The following MOCOS variants were observed in gnomAD, a reference collection of about 807,000 sequenced individuals.
MOCOS encodes the protein human molybdenum cofactor sulfurase.
In MOCOS, 86 loss-of-function variants were observed where a neutral mutation model predicts 83.6. The ratio of observed to expected loss-of-function variants is 1.03; its 90% CI spans 0.86 to 1.23. The LOEUF (loss-of-function observed/expected upper bound fraction) is 1.23. Ranked by LOEUF, MOCOS falls within the 50% of genes most tolerant of loss-of-function variation. The pLI is 0.00. For missense variants in MOCOS, 1,120 were observed against 1,126.9 expected (o/e 0.99, Z 0.09); for synonymous variants, 445 against 434.7 (o/e 1.02, Z -0.29).
At chr18:36,260,312 A>G in intron 13 of MOCOS, 137 bp downstream of exon 13, 2 of 1,138,184 alleles carry the variant, frequency 1.8e-6, no homozygotes, top group Non-Finnish European at 1.3e-6. Flanking sequence ...GTGGGAGGTT[A>G]TGTAAGCTTA....
At chr18:36,263,174 G>A (rs2091669879) in intron 13 of MOCOS, among the ~76,000 whole-genome samples, 1 of 152,192 alleles carries the variant, frequency 6.6e-6, no homozygotes, top group African/African-American at 2.4e-5. Flanking sequence ...CAATTACTGT[G>A]AAACTAGCAC....
At chr18:36,262,947 G>T (rs977075323) in intron 13 of MOCOS, among the ~76,000 whole-genome samples, 7 of 152,216 alleles carry the variant, frequency 4.6e-5, no homozygotes, top group African/African-American at 1.7e-4. Context: ...TATCTCTACA[G>T]AATATTAAAA....
intron 9 of MOCOS, among the ~76,000 whole-genome samples, chr18:36,238,441 G>T (rs1464269208): frequency 1.3e-5 from 2 of 150,106 alleles, no homozygotes; most frequent in African/African-American, 4.9e-5. Flanking sequence ...TAGTTGAGCG[G>T]TTTTGAGTGA....
chr18:36,266,708 C>A, intron 13 of MOCOS, 41 bp from the exon 14 acceptor site: 1 of 1,554,244 alleles, frequency 6.4e-7, no homozygotes, highest in South Asian at 1.1e-5. Context: ...AGGCTCTGGT[C>A]ACTTTTGTGG....
In MOCOS at chr18:36,270,264, A is replaced by G. The variant is rs372559894; in HGVS notation, c.*1579A>G. On this transcript the variant is annotated 3_prime_UTR_variant, in exon 15 of 15. Coordinates refer to ENST00000261326, the MANE Select transcript of MOCOS (RefSeq NM_017947.4). ...TCATCAGCTAACTGATAGGAGAACA[A>G]TGCCCTAAAGTAATGGATTTATCCA... 2.0e-5 allele frequency: 3 copies of G among 152,210 alleles called. No individual in the cohort carries two copies. The highest frequency in any genetic ancestry group is 6.5e-5 in the Admixed American group (1 of 15,286). 9.4% of individuals were successfully genotyped at this position (152,210 alleles called of 1,614,324 possible).
chr18:36,240,095 T>A (rs1232754745), intron 9 of MOCOS, among the ~76,000 whole-genome samples: 1 of 131,118 alleles, frequency 7.6e-6, no homozygotes, highest in Non-Finnish European at 1.6e-5. Context: ...CTCCCGTAGC[T>A]CAGAGTAATT....
At chr18:36,251,828 G>A (rs1042163558) in intron 11 of MOCOS, among the ~76,000 whole-genome samples, 1 of 152,170 alleles carries the variant, frequency 6.6e-6, no homozygotes, top group African/African-American at 2.4e-5. Context: ...AGTCCCAGGT[G>A]TGCAGAAAAG....
intron 6 of MOCOS, among the ~76,000 whole-genome samples, chr18:36,211,971 C>T (rs2144912739): frequency 6.6e-6 from 1 of 152,352 alleles, no homozygotes; most frequent in South Asian, 2.1e-4. Context: ...CTGTCAGCTA[C>T]TGTCTCGAGC....
At chr18:36,208,554 A>G (rs564645653) in intron 6 of MOCOS, among the ~76,000 whole-genome samples, 9 of 152,162 alleles carry the variant, frequency 5.9e-5, no homozygotes, top group African/African-American at 1.9e-4. Flanking sequence ...TTTTGTGGCT[A>G]TTGTAAATGG....
intron 13 of MOCOS, among the ~76,000 whole-genome samples, chr18:36,261,106 G>A (rs188267639): frequency 3.9e-5 from 6 of 152,216 alleles, no homozygotes; most frequent in African/African-American, 1.4e-4. Context: ...ATTGTTGAGG[G>A]AAGAAATGGA....
At position 36,193,317 on chromosome 18, in the gene MOCOS, CAAAAAAAAAAAAAAAAA is replaced by C. The variant is rs555145311; in HGVS notation, c.143-1918_143-1902del. Among the ~76,000 whole-genome samples the C allele has an allele frequency of 2.6e-3, 98 of 38,308 alleles. 3 individuals carry two copies. The East Asian group carries it at 0.051, about 20-fold the overall frequency. The allele number at this position is 38,308 out of a possible 152,430, so 25.1% of individuals were successfully genotyped here. ...TGGGCGACAGAGCGAGACTCCGTCTCAAAAAAAAAAAAAAAAAAAAAAAAAAAAAAAAAAAAAAGTTA... is the reference window on the plus strand; with the variant it reads ...TGGGCGACAGAGCGAGACTCCGTCTCAAAAAAAAAAAAAAAAAAAAAGTTA... On this transcript the variant is annotated intron_variant, in intron 1 of 14. Transcript: ENST00000261326.
rs577274114 is a variant in MOCOS at position 36,198,667 on chromosome 18, G to T, written c.233-23G>T. On this transcript the variant is annotated intron_variant, in intron 2 of 14. Coordinates refer to ENST00000261326, the MANE Select transcript of MOCOS (RefSeq NM_017947.4). ...AGCGACCCTAAGTAGTGACTTGGTG[G>T]CCTTGTCTTTGTAACCTGCCAGGTA... 66 of 1,613,592 alleles carry T rather than the reference G, an allele frequency of 4.1e-5. No homozygotes were observed. In the East Asian group the frequency reaches 1.4e-3, roughly 35 times the overall value.
At chr18:36,261,523 T>C (rs1373546042) in intron 13 of MOCOS, among the ~76,000 whole-genome samples, 1 of 152,212 alleles carries the variant, frequency 6.6e-6, no homozygotes, top group Non-Finnish European at 1.5e-5. Flanking sequence ...AACACCACTC[T>C]AACATCTAGG....
chr18:36,208,717 A>G (rs2091443306), intron 6 of MOCOS, among the ~76,000 whole-genome samples: 2 of 152,212 alleles, frequency 1.3e-5, no homozygotes, highest in African/African-American at 2.4e-5. Context: ...TTTTCCGGGT[A>G]TAGAATCATG....
intron 11 of MOCOS, among the ~76,000 whole-genome samples, chr18:36,253,893 G>A (rs1265928110): frequency 6.6e-6 from 1 of 152,094 alleles, no homozygotes; most frequent in Non-Finnish European, 1.5e-5. Flanking sequence ...ATTCTAAGCC[G>A]AGAAGCTTCA....
intron 14 of MOCOS, among the ~76,000 whole-genome samples, chr18:36,267,373 C>T (rs2091685406): frequency 6.6e-6 from 1 of 152,210 alleles, no homozygotes; most frequent in Non-Finnish European, 1.5e-5. Flanking sequence ...CTTATACTTT[C>T]TGTTAGGACT....
At position 36,213,439 on chromosome 18, in the gene MOCOS, G is replaced by A. The variant is rs768708204; in HGVS notation, c.1292G>A (p.Arg431Lys). The A allele has an allele frequency of 8.1e-6, 13 of 1,613,988 alleles. No homozygotes were observed. The African/African-American group carries it at 1.1e-4, about 13-fold the overall frequency. ...TTCTGTAACACTGGGGCCTGCCAGA[G>A]GCACCTGGGCATAAGCAACGAGATG... ...GCFCNTGACQ[R>K]HLGISNEMVR... is the part of the protein sequence containing the mutation. Residue 431 changes from arginine (R) to lysine (K), a missense_variant, in exon 7 of 15, where the codon AGG (arginine) becomes AAG (lysine). Transcript: ENST00000261326.
At position 36,241,443 on chromosome 18, in the gene MOCOS, G is replaced by A. The variant is rs565271508; in HGVS notation, c.1961-7479G>A. On this transcript the variant is annotated intron_variant, in intron 9 of 14. Transcript: ENST00000261326. ...TCAAAATGATCTTCTTTGACTCCAT[G>A]TCTCACATCCAGATCACACTGATGC... Among the ~76,000 whole-genome samples, 9 of 152,318 alleles carry A rather than the reference G, an allele frequency of 5.9e-5. No individual in the cohort carries two copies. The South Asian group carries it at 1.9e-3, about 32-fold the overall frequency.
chr18:36,194,053 G>A (rs1209632378), intron 1 of MOCOS, among the ~76,000 whole-genome samples: 2 of 152,208 alleles, frequency 1.3e-5, no homozygotes, highest in Admixed American at 6.5e-5. Flanking sequence ...GCCACATATT[G>A]TATGGTTCCT....
Sources: gnomAD v4.1 joint callset for allele counts (sites outside exome capture counted in the v4.1 genomes callset) on GRCh38, gnomAD v4.1.1 for gene constraint, MANE v1.5 for transcripts, NCBI Gene and HGNC (gene_info 2026-07-23, HGNC 2026-07-21) for gene names.